The following LSAMP variants were observed in gnomAD, a reference collection of about 807,000 sequenced individuals.
LSAMP encodes the protein limbic system associated membrane protein, also known as limbic system-associated membrane protein.
In LSAMP, 7 loss-of-function variants were observed where a neutral mutation model predicts 38.6. The observed-to-expected ratio is 0.18, with a 90% CI of 0.10 to 0.34. LSAMP has a LOEUF of 0.34. Among genes scored for constraint, LSAMP ranks in the 10% least tolerant of loss-of-function variants. The pLI, the probability that LSAMP is intolerant of heterozygous loss-of-function variation, is 1.00. For synonymous variants in LSAMP, 154 were observed against 166.8 expected (o/e 0.92, Z 0.59); for missense variants, 313 against 420.0 (o/e 0.75, Z 2.23).
At position 116,076,280 on chromosome 3, in the gene LSAMP, C is replaced by T. The variant is rs554155057; in HGVS notation, c.388+10044G>A. Among the ~76,000 whole-genome samples the T allele has an allele frequency of 2.3e-3, 345 of 151,600 alleles. 1 individual carries two copies. Among genetic ancestry groups the T allele is most frequent in the African/African-American group, 7.8e-3 (323 of 41,304 alleles). On this transcript the variant is annotated intron_variant, in intron 2 of 6. Transcript: ENST00000490035. ...TAACTTTTTTTTTTTTAATTTGAGA[C>T]GGAGTCTCGCTCTGTCACCCAGGCT... is the stretch of plus-strand genomic sequence containing the variant.
chr3:116,363,710 C>T (rs1327619130), intron 1 of LSAMP, among the ~76,000 whole-genome samples: 22 of 131,666 alleles, frequency 1.7e-4, no homozygotes, highest in South Asian at 5.3e-4. Flanking sequence ...GTTCAATATA[C>T]GCAAATCAAT....
At chr3:116,027,125 T>A (rs1389666597) in intron 2 of LSAMP, among the ~76,000 whole-genome samples, 3 of 152,186 alleles carry the variant, frequency 2.0e-5, no homozygotes, top group African/African-American at 7.2e-5. Flanking sequence ...AATCCAAATT[T>A]AACTGGGCAT....
rs117205640 is a variant in LSAMP, at chr3:116,183,340, C to T, written c.156-96784G>A. Among the ~76,000 whole-genome samples the T allele has an allele frequency of 2.2e-3, 331 of 151,938 alleles. 5 individuals are homozygous for T. In the East Asian group the frequency reaches 0.025, roughly 12 times the overall value. On this transcript the variant is annotated intron_variant, in intron 1 of 6. Transcript: ENST00000490035. ...CATGCTTATTGCATGGAAGGCACAGCATAAAGTGTTGAAAGATATGTACAA... is the reference window on the plus strand; with the variant it reads ...CATGCTTATTGCATGGAAGGCACAGTATAAAGTGTTGAAAGATATGTACAA...
chr3:116,413,536 A>C (rs896587171), intron 1 of LSAMP, among the ~76,000 whole-genome samples: 12 of 151,942 alleles, frequency 7.9e-5, no homozygotes, highest in Admixed American at 7.9e-4. Context: ...GTTTAATTTG[A>C]CTGTTCATAG....
chr3:116,054,157 C>T (rs1430489298), intron 2 of LSAMP, among the ~76,000 whole-genome samples: 1 of 152,146 alleles, frequency 6.6e-6, no homozygotes, highest in African/African-American at 2.4e-5. Context: ...CTCCTGGCCA[C>T]CTTCCATCTT....
At chr3:115,888,452 T>C (rs937881375) in intron 3 of LSAMP, among the ~76,000 whole-genome samples, 62 of 151,962 alleles carry the variant, frequency 4.1e-4, no homozygotes, top group African/African-American at 1.5e-3. Context: ...ACACAGCATT[T>C]GACCTCACAT....
intron 1 of LSAMP, among the ~76,000 whole-genome samples, chr3:116,209,363 C>T (rs1314248656): frequency 3.9e-5 from 6 of 152,196 alleles, no homozygotes; most frequent in African/African-American, 9.6e-5. Context: ...CCGTCTTCTG[C>T]TTCGCTCACG....
intron 1 of LSAMP, among the ~76,000 whole-genome samples, chr3:116,334,283 C>T (rs2047890979): frequency 1.3e-5 from 2 of 152,032 alleles, no homozygotes; most frequent in Non-Finnish European, 1.5e-5. Context: ...AACCCTGAAA[C>T]TTATGTCTTT....
At position 116,228,244 on chromosome 3, in the gene LSAMP, A is replaced by T. The variant is rs188809597; in HGVS notation, c.156-141688T>A. ...TTTCTACAATAGTACTTATTGATAAATCAATATTGCTAAGACTAAACATAT... is the reference window on the plus strand; with the variant it reads ...TTTCTACAATAGTACTTATTGATAATTCAATATTGCTAAGACTAAACATAT... On this transcript the variant is annotated intron_variant, in intron 1 of 6. Transcript: ENST00000490035. Among the ~76,000 whole-genome samples, 321 of 148,410 alleles carry T rather than the reference A, an allele frequency of 2.2e-3. 8 individuals are homozygous for T. In the East Asian group the frequency reaches 0.058, roughly 27 times the overall value.
At chr3:116,359,573 AT>A (rs771837827) in intron 1 of LSAMP, among the ~76,000 whole-genome samples, 86 of 152,212 alleles carry the variant, frequency 5.7e-4, no homozygotes, top group African/African-American at 2.0e-3. Flanking sequence ...TAAACTTTTT[AT>A]TTTTATTTTA....
chr3:115,849,572 A>ATTCCAAAGCCTGTGT (rs1228211742), intron 4 of LSAMP, among the ~76,000 whole-genome samples: 1 of 152,142 alleles, frequency 6.6e-6, no homozygotes, highest in Non-Finnish European at 1.5e-5. Flanking sequence ...CCCTGACCTA[A>ATTCCAAAGCCTGTGT]TTCCAAAGCC....
chr3:115,828,959 TTAGAAAGGAGTTCTAGGCAC>T (rs749037446), intron 6 of LSAMP, among the ~76,000 whole-genome samples: 12 of 152,176 alleles, frequency 7.9e-5, no homozygotes, highest in Non-Finnish European at 1.5e-4. Context: ...GGAAGAGGCA[TTAGAAAGGAGTTCTAGGCAC>T]TAGAAAGGAC....
chr3:116,026,803 T>C (rs1287630767), intron 2 of LSAMP, among the ~76,000 whole-genome samples: 2 of 152,170 alleles, frequency 1.3e-5, no homozygotes, highest in Non-Finnish European at 2.9e-5. Context: ...TACTTTTTCA[T>C]CCCTGGGTCA....
intron 1 of LSAMP, among the ~76,000 whole-genome samples, chr3:116,197,237 T>C (rs1163983278): frequency 1.3e-5 from 2 of 152,104 alleles, no homozygotes; most frequent in East Asian, 1.9e-4. Context: ...CTGTCCTCTC[T>C]TTCCAGAATA....
chr3:116,407,340 A>C (rs573511890), intron 1 of LSAMP, among the ~76,000 whole-genome samples: 1 of 152,234 alleles, frequency 6.6e-6, no homozygotes, highest in Admixed American at 6.5e-5. Context: ...TAGAGGCAAA[A>C]TGTGAAGGTA....
intron 1 of LSAMP, among the ~76,000 whole-genome samples, chr3:116,193,766 T>C (rs534394495): frequency 6.6e-6 from 1 of 152,278 alleles, no homozygotes; most frequent in South Asian, 2.1e-4. Context: ...ACCCATACTA[T>C]GTAACTAAAT....
intron 1 of LSAMP, among the ~76,000 whole-genome samples, chr3:116,288,235 C>T (rs2047217676): frequency 6.6e-6 from 1 of 152,170 alleles, no homozygotes; most frequent in African/African-American, 2.4e-5. Flanking sequence ...CAGAGGTAAA[C>T]TACCCTTGAG....
intron 3 of LSAMP, among the ~76,000 whole-genome samples, chr3:115,910,258 CAG>C (rs1937105838): frequency 6.6e-6 from 1 of 152,170 alleles, no homozygotes; most frequent in Admixed American, 6.5e-5. Flanking sequence ...ACCTGGGAAA[CAG>C]AGTTATGCAA....
At chr3:116,346,964 A>G (rs2048071117) in intron 1 of LSAMP, among the ~76,000 whole-genome samples, 1 of 152,220 alleles carries the variant, frequency 6.6e-6, no homozygotes, top group Admixed American at 6.5e-5. Flanking sequence ...TGGACTTAAT[A>G]AATAAAATGA....
Sources: allele counts gnomAD v4.1 joint callset (sites outside exome capture counted in the v4.1 genomes callset), GRCh38; gene constraint gnomAD v4.1.1; transcripts MANE v1.5; gene names NCBI Gene and HGNC (gene_info 2026-07-23, HGNC 2026-07-21).